Variants in INTS10 observed in about 807,000 individuals in gnomAD.
INTS10 encodes integrator complex subunit 10, also known as chromosome 8 open reading frame 35.
INTS10 carries 44 observed loss-of-function variants against 94.4 expected under a neutral mutation model. The observed-to-expected ratio is 0.47, with a 90% CI of 0.37 to 0.60. The LOEUF (loss-of-function observed/expected upper bound fraction) is 0.60. INTS10 is among the 20% of genes least tolerant of loss of function. The pLI is 0.00. For synonymous variants in INTS10, 341 were observed against 320.7 expected (o/e 1.06, Z -0.68); for missense variants, 797 against 868.7 (o/e 0.92, Z 1.04).
intron 16 of INTS10, among the ~76,000 whole-genome samples, chr8:19,850,134 A>C (rs1474929623): frequency 2.2e-5 from 3 of 136,130 alleles, no homozygotes; most frequent in Admixed American, 7.3e-5. Context: ...GCCATCTCAA[A>C]AAAAAAAAAA....
chr8:19,818,742 C>A (rs1182042569), intron 2 of INTS10: 2 of 185,288 alleles, frequency 1.1e-5, no homozygotes, highest in African/African-American at 2.4e-5. Context: ...GAAGGGGTTA[C>A]AAAAGTGAGA....
Position 19,817,653 on chromosome 8 carries a change from A to C in INTS10, c.116A>C (p.Asp39Ala). Residue 39 changes from aspartate (D) to alanine (A), a missense_variant, in exon 1 of 17, where the codon GAC becomes GCC. By Grantham distance (126) the Asp-to-Ala change is moderately radical. Around this residue, in one of 3 missense-constraint regions of INTS10, gnomAD observed 734 missense variants for 787.8 expected, o/e 0.93. Transcript: ENST00000397977. Reference sequence around the variant, plus strand: ...ACGGCCCGCAGCCTCTACCCGGCAGACTTTAACATCCAGGTGAGGTCCCGG... The same window carrying C: ...ACGGCCCGCAGCCTCTACCCGGCAGCCTTTAACATCCAGGTGAGGTCCCGG... The part of the protein sequence containing the change: ...LITARSLYPA[D>A]FNIQYEMYTI... 1 of 1,607,216 alleles carries C rather than the reference A, an allele frequency of 6.2e-7. No individual in the cohort carries two copies. Among genetic ancestry groups the C allele is most frequent in the Non-Finnish European group, 8.5e-7 (1 of 1,177,516 alleles).
chr8:19,851,604 G>A lies in INTS10; in HGVS notation c.1977-45G>A. 6.3e-7 allele frequency: 1 copy of A among 1,595,292 alleles called. No individual in the cohort carries two copies. Among genetic ancestry groups the A allele is most frequent in the Non-Finnish European group, 8.6e-7 (1 of 1,163,468 alleles). On this transcript the variant is annotated intron_variant, in intron 16 of 16. Coordinates refer to ENST00000397977, the MANE Select transcript of INTS10 (RefSeq NM_018142.4). The surrounding 1 kb of genome is among the most constrained non-coding windows in gnomAD (Gnocchi z 5.0). ...CAAGTAGCAGCGATCAGCGATGCTG[G>A]TGCTAACCCCTGGTCTTTGTCTGTT...
chr8:19,836,828 G>T (rs1046776029), intron 12 of INTS10, among the ~76,000 whole-genome samples: 10 of 152,152 alleles, frequency 6.6e-5, no homozygotes, highest in Non-Finnish European at 1.2e-4. Context: ...TAATAGCAAA[G>T]AATGGATTAG....
chr8:19,830,696 A>C, intron 10 of INTS10, 137 bp downstream of exon 10: 12 of 810,152 alleles, frequency 1.5e-5, no homozygotes, highest in Non-Finnish European at 2.3e-5. Flanking sequence ...TTTGAGACGG[A>C]GTCTCACTCT....
intron 4 of INTS10, chr8:19,821,855 G>T (rs1010533349): frequency 1.3e-5 from 2 of 152,096 alleles, no homozygotes; most frequent in African/African-American, 4.8e-5. Context: ...CACTCCTGTG[G>T]TGCATCCCTG....
intron 3 of INTS10, among the ~76,000 whole-genome samples, chr8:19,819,926 C>T (rs1415198901): frequency 4.6e-5 from 7 of 152,168 alleles, no homozygotes; most frequent in Non-Finnish European, 1.0e-4. Context: ...TTACAATAAC[C>T]AGATAGCAGC....
At chr8:19,818,466 C>A in intron 2 of INTS10, 124 bp downstream of exon 2, 3 of 939,064 alleles carry the variant, frequency 3.2e-6, no homozygotes, top group South Asian at 1.4e-5. Context: ...ATACCTAAAG[C>A]AAACCTAGTA....
At chr8:19,845,848 CT>C (rs1363258885) in intron 16 of INTS10, 51 bp downstream of exon 16, 1 of 1,266,624 alleles carries the variant, frequency 7.9e-7, no homozygotes, top group Non-Finnish European at 1.2e-6. Context: ...CCTTTTGTGT[CT>C]TTGTATGAAG....
At position 19,823,249 on chromosome 8, in the gene INTS10, C is replaced by T. The variant is rs2066527271; in HGVS notation, c.524-52C>T. On this transcript the variant is annotated intron_variant, in intron 5 of 16. Coordinates refer to ENST00000397977, the MANE Select transcript of INTS10 (RefSeq NM_018142.4). ...CTGAAAGCTTTTGTATTTATCGGAA[C>T]TCTAGGGTAGACAACCTAATTAATT... The T allele has an allele frequency of 6.9e-6, 10 of 1,440,742 alleles. No individual in the cohort carries two copies. The East Asian group carries it at 2.1e-4, about 30-fold the overall frequency. 89.2% of individuals were successfully genotyped at this position (1,440,742 alleles called of 1,614,324 possible). A position where few individuals can be genotyped will look rare whatever the true frequency, so the allele number is the denominator to read the frequency against.
intron 2 of INTS10, chr8:19,818,601 T>C: frequency 2.1e-6 from 1 of 487,330 alleles, no homozygotes; most frequent in African/African-American, 1.9e-5. Flanking sequence ...TATGTGCTCA[T>C]TACAAAAATT....
chr8:19,844,569 A>G (rs1159477822), intron 15 of INTS10, among the ~76,000 whole-genome samples: 1 of 152,204 alleles, frequency 6.6e-6, no homozygotes, highest in Non-Finnish European at 1.5e-5. Flanking sequence ...TAATACTAAT[A>G]GTTCCTCTTC....
rs962866724 is a variant in INTS10 at position 19,849,122 on chromosome 8, G to A, written c.1977-2527G>A. ...TGTTTTTGCAGTGCAGGGTGAGTCG[G>A]TGTGGGTGTTTGAATGCTGCTGTTT... is the stretch of plus-strand genomic sequence containing the variant. On this transcript the variant is annotated intron_variant, in intron 16 of 16. Transcript: ENST00000397977. This position sits in a 1 kb window ranked among gnomAD's most constrained non-coding sequence, Gnocchi z 4.6. 1 of 1,010,930 alleles carries A rather than the reference G, an allele frequency of 9.9e-7. No homozygotes were observed. Among genetic ancestry groups the A allele is most frequent in the Non-Finnish European group, 1.4e-6 (1 of 734,480 alleles). The allele number at this position is 1,010,930 out of a possible 1,614,324, so 62.6% of individuals were successfully genotyped here. A position where few individuals can be genotyped will look rare whatever the true frequency, so the allele number is the denominator to read the frequency against.
intron 13 of INTS10, among the ~76,000 whole-genome samples, chr8:19,841,587 C>T (rs951034441): frequency 6.6e-6 from 1 of 152,138 alleles, no homozygotes; most frequent in African/African-American, 2.4e-5. Context: ...GTCATATGGG[C>T]AATTCAGAAT....
At chr8:19,824,499 GA>G (rs11326853) in intron 7 of INTS10, 147,914 of 199,772 alleles carry the variant, frequency 0.74, 53,935 homozygotes, top group African/African-American at 0.88. Flanking sequence ...CTCTAAAAAA[GA>G]AAAAAAAAAA....
chr8:19,849,589 G>A lies in INTS10; in HGVS notation c.1977-2060G>A, dbSNP rs1354311389. ...GTCATATATATTTAAGGATGCTGAC[G>A]TTTATTTTAAGTACATTTTTATTTG... On this transcript the variant is annotated intron_variant, in intron 16 of 16. Coordinates refer to ENST00000397977, the MANE Select transcript of INTS10 (RefSeq NM_018142.4). This position sits in a 1 kb window ranked among gnomAD's most constrained non-coding sequence, Gnocchi z 4.6. 3.9e-5 allele frequency among the ~76,000 whole-genome samples: 6 copies of A among 152,088 alleles called. No homozygotes were observed. The highest frequency in any genetic ancestry group is 4.1e-4 in the South Asian group (2 of 4,832).
At chr8:19,830,873 C>T (rs754050052) in intron 10 of INTS10, among the ~76,000 whole-genome samples, 7 of 152,116 alleles carry the variant, frequency 4.6e-5, no homozygotes, top group African/African-American at 4.8e-5. Context: ...GGGGTTTCAT[C>T]GTGTTGATCA....
chr8:19,851,617 G>A lies in INTS10; in HGVS notation c.1977-32G>A. The A allele has an allele frequency of 6.2e-7, 1 of 1,612,010 alleles. No homozygotes were observed. The highest frequency in any genetic ancestry group is 1.3e-5 in the African/African-American group (1 of 75,022). On this transcript the variant is annotated intron_variant, in intron 16 of 16. Coordinates refer to ENST00000397977, the MANE Select transcript of INTS10 (RefSeq NM_018142.4). This position sits in a 1 kb window ranked among gnomAD's most constrained non-coding sequence, Gnocchi z 5.0. ...TCAGCGATGCTGGTGCTAACCCCTG[G>A]TCTTTGTCTGTTTCCCTATTGCTGA...
intron 7 of INTS10, 123 bp downstream of exon 7, chr8:19,824,167 C>A: frequency 1.4e-6 from 1 of 720,834 alleles, no homozygotes; most frequent in Non-Finnish European, 2.3e-6. Context: ...TTGTGACACT[C>A]AATGCAAAAG....
Sources: gnomAD v4.1 joint callset for allele counts (sites outside exome capture counted in the v4.1 genomes callset) on GRCh38, gnomAD v4.1.1 for gene constraint, gnomAD v4.1.1 regional missense constraint, Gnocchi (gnomAD v3.1) non-coding constraint, MANE v1.5 for transcripts, NCBI Gene and HGNC (gene_info 2026-07-23, HGNC 2026-07-21) for gene names.